KLHL15: variants seen among roughly 807,000 people sequenced by gnomAD.
KLHL15 encodes the protein kelch-like protein 15.
A neutral mutation model predicts 29.3 loss-of-function variants in KLHL15; 1 was observed. The observed-to-expected ratio is 0.03, with a 90% CI of 0.01 to 0.16. KLHL15 has a LOEUF of 0.16. KLHL15 is among the 10% of genes least tolerant of loss of function. The pLI is 1.00. For missense variants in KLHL15, 215 were observed against 478.5 expected (o/e 0.45, Z 5.14); for synonymous variants, 212 against 184.5 (o/e 1.15, Z -1.21).
intron 3 of KLHL15, among the ~76,000 whole-genome samples, chrX:23,994,791 CAT>C (rs1265318640): frequency 9.0e-6 from 1 of 111,302 alleles, no homozygotes; most frequent in Non-Finnish European, 1.9e-5. Flanking sequence ...CTGAATATAT[CAT>C]ATAATTATAT....
rs1284178804 is a variant in KLHL15 at position 24,016,361 on chromosome X, AAAAAAAAG to A, written c.-8+8488_-8+8495del. On this transcript the variant is annotated intron_variant, in intron 2 of 3. Transcript: ENST00000328046. ...TCTCAAAAAAAAAAAAAAAAAAAAAAAAAAAAAGGGGGGGTATACTTGGCCAGGTGCAG... is the reference window on the plus strand; with the variant it reads ...TCTCAAAAAAAAAAAAAAAAAAAAAAGGGGGGTATACTTGGCCAGGTGCAG... Among the ~76,000 whole-genome samples the A allele has an allele frequency of 2.0e-3, 191 of 95,500 alleles. 1 individual carries two copies. The highest frequency in any genetic ancestry group is 7.7e-3 in the African/African-American group (173 of 22,464). 82.9% of individuals were successfully genotyped at this position (95,500 alleles called of 115,157 possible).
At chrX:24,018,429 A>C (rs1398989599) in intron 2 of KLHL15, among the ~76,000 whole-genome samples, 2 of 110,303 alleles carry the variant, frequency 1.8e-5, no homozygotes, top group African/African-American at 6.6e-5. Flanking sequence ...CAGAATTTCA[A>C]ATAGTAGGTT....
chrX:23,988,330 T>C lies in KLHL15; in HGVS notation c.1406A>G (p.Glu469Gly). The C allele has an allele frequency of 8.3e-7, 1 of 1,211,637 alleles. No individual in the cohort carries two copies. The highest frequency in any genetic ancestry group is 1.1e-6 in the Non-Finnish European group (1 of 895,431). Residue 469 changes from glutamate (E) to glycine (G), a missense_variant, in exon 4 of 4, where the codon GAG (glutamate) becomes GGG (glycine). Transcript: ENST00000328046. ...RRTQVVTNCWENKSKMNYARC... is the reference protein window; with the variant it reads ...RRTQVVTNCWGNKSKMNYARC... Reference sequence around the variant, plus strand: ...CGCGTAATTCATCTTGCTCTTATTCTCCCAACAGTTGGTAACCACTTGAGT... The same window carrying C: ...CGCGTAATTCATCTTGCTCTTATTCCCCCAACAGTTGGTAACCACTTGAGT...
At chrX:24,025,994 G>A (rs1929926638) in intron 1 of KLHL15, among the ~76,000 whole-genome samples, 2 of 111,711 alleles carry the variant, frequency 1.8e-5, no homozygotes, top group South Asian at 7.5e-4. Context: ...TGAGGGCTAG[G>A]AAGCCAGGAA....
rs1445364461 is a variant in KLHL15 at position 23,987,717 on chromosome X, C to T, written c.*204G>A. The T allele has an allele frequency of 2.7e-6, 1 of 372,160 alleles. No individual in the cohort carries two copies. Among genetic ancestry groups the T allele is most frequent in the Non-Finnish European group, 4.6e-6 (1 of 216,770 alleles). The allele number at this position is 372,160 out of a possible 1,213,427, so 30.7% of individuals were successfully genotyped here. ...CTGCTTCTGGAAGTAGTTTCAAGAG[C>T]TAGCACTTAGAATTAACTTATTGCA... On this transcript the variant is annotated 3_prime_UTR_variant, in exon 4 of 4. Transcript: ENST00000328046.
intron 2 of KLHL15, among the ~76,000 whole-genome samples, chrX:24,014,438 TA>T: frequency 9.0e-6 from 1 of 111,249 alleles, no homozygotes; most frequent in Non-Finnish European, 1.9e-5. Flanking sequence ...TGAAAAGGTC[TA>T]AAACAGCTAA....
At chrX:24,001,840 A>AAT (rs1264086031) in intron 3 of KLHL15, among the ~76,000 whole-genome samples, 12 of 104,979 alleles carry the variant, frequency 1.1e-4, no homozygotes, top group South Asian at 4.3e-4. Flanking sequence ...AGAAGAAAAA[A>AAT]ATATATATAT....
At chrX:23,997,451 T>A (rs916112683) in intron 3 of KLHL15, among the ~76,000 whole-genome samples, 7 of 109,624 alleles carry the variant, frequency 6.4e-5, no homozygotes, top group African/African-American at 2.3e-4. Context: ...AAAAATAAAA[T>A]TTTTGGCCAG....
rs966151242 is a variant in KLHL15 at position 24,012,728 on chromosome X, T to A, written c.-7-6028A>T. Among the ~76,000 whole-genome samples, 6 of 111,281 alleles carry A rather than the reference T, an allele frequency of 5.4e-5. No homozygotes were observed. The East Asian group carries it at 1.7e-3, about 32-fold the overall frequency. On this transcript the variant is annotated intron_variant, in intron 2 of 3. Coordinates refer to ENST00000328046, the MANE Select transcript of KLHL15 (RefSeq NM_030624.3). The stretch of plus-strand genomic sequence containing the variant: ...CCATTTTGACATCTCAAAATCAACA[T>A]GTCTAAACAACCAGTTCTGCCCCCA...
chrX:23,996,992 A>C (rs1929203381), intron 3 of KLHL15, among the ~76,000 whole-genome samples: 1 of 112,308 alleles, frequency 8.9e-6, no homozygotes, highest in African/African-American at 3.2e-5. Flanking sequence ...AGTCAATACC[A>C]AATGGTAAAT....
Position 23,986,346 on chromosome X carries a change from C to T in KLHL15, c.*1575G>A, listed in dbSNP as rs1438270272. On this transcript the variant is annotated 3_prime_UTR_variant, in exon 4 of 4. Transcript: ENST00000328046. ...ACAAAGTGAAACTAGAAAATTTATA[C>T]ATCAGCAGCCATATAGAAGGCATTG... The T allele has an allele frequency of 4.5e-5, 5 of 112,222 alleles. No individual in the cohort carries two copies. Among genetic ancestry groups the T allele is most frequent in the African/African-American group, 9.7e-5 (3 of 30,974 alleles). 9.2% of individuals were successfully genotyped at this position (112,222 alleles called of 1,213,427 possible). A position where few individuals can be genotyped will look rare whatever the true frequency, so the allele number is the denominator to read the frequency against.
chrX:24,005,569 C>CAG (rs1406212429), intron 3 of KLHL15, among the ~76,000 whole-genome samples: 1 of 111,530 alleles, frequency 9.0e-6, no homozygotes, highest in African/African-American at 3.3e-5. Flanking sequence ...GTATACCATG[C>CAG]AGAACTCTTC....
intron 3 of KLHL15, among the ~76,000 whole-genome samples, chrX:23,991,620 T>C (rs941674209): frequency 9.0e-6 from 1 of 111,203 alleles, no homozygotes; most frequent in Non-Finnish European, 1.9e-5. Flanking sequence ...GGCAGGCGGA[T>C]CACAAGGTCA....
At chrX:24,011,901 G>C (rs891138423) in intron 2 of KLHL15, among the ~76,000 whole-genome samples, 1 of 113,058 alleles carries the variant, frequency 8.8e-6, no homozygotes, top group East Asian at 2.8e-4. Context: ...TGTAATCCCA[G>C]CATTTTGGGA....
intron 2 of KLHL15, among the ~76,000 whole-genome samples, chrX:24,013,724 A>G (rs1485425063): frequency 9.1e-6 from 1 of 109,939 alleles, no homozygotes; most frequent in Non-Finnish European, 1.9e-5. Flanking sequence ...AATATTTAGA[A>G]TAGGGCTGGG....
At chrX:24,015,426 T>C (rs1001452532) in intron 2 of KLHL15, among the ~76,000 whole-genome samples, 3 of 112,654 alleles carry the variant, frequency 2.7e-5, no homozygotes, top group Admixed American at 1.9e-4. Context: ...CCGAGACATA[T>C]GCAGTAACTT....
intron 1 of KLHL15, among the ~76,000 whole-genome samples, chrX:24,025,893 C>T (rs1929923657): frequency 9.0e-6 from 1 of 111,083 alleles, no homozygotes; most frequent in Admixed American, 9.4e-5. Context: ...GCTGAGGACA[C>T]TCAGCTGTCC....
At chrX:24,019,614 GAAC>G (rs1429252751) in intron 2 of KLHL15, among the ~76,000 whole-genome samples, 14 of 109,079 alleles carry the variant, frequency 1.3e-4, no homozygotes, top group East Asian at 5.7e-4. Flanking sequence ...ACAGGCTTGA[GAAC>G]AACTGAAAGT....
chrX:23,996,378 A>G (rs976851433), intron 3 of KLHL15, among the ~76,000 whole-genome samples: 2 of 112,299 alleles, frequency 1.8e-5, no homozygotes, highest in African/African-American at 3.2e-5. Flanking sequence ...GAAACAAACC[A>G]TATCAGGCCG....
Sources: allele counts gnomAD v4.1 joint callset (sites outside exome capture counted in the v4.1 genomes callset), GRCh38; gene constraint gnomAD v4.1.1; transcripts MANE v1.5; gene names NCBI Gene and HGNC (gene_info 2026-07-23, HGNC 2026-07-21).